LARP4: variants seen among roughly 807,000 people sequenced by gnomAD.
LARP4 encodes the protein La ribonucleoprotein 4.
A neutral mutation model predicts 92.9 loss-of-function variants in LARP4; 29 were observed. That is an observed-to-expected ratio of 0.31 (90% CI 0.23 to 0.43). The LOEUF (loss-of-function observed/expected upper bound fraction) is 0.43. Among genes scored for constraint, LARP4 ranks in the 20% least tolerant of loss-of-function variants. LARP4 has a pLI of 1.00. For missense variants in LARP4, 732 were observed against 860.0 expected, an observed-to-expected ratio of 0.85 and a Z score of 1.86; for synonymous variants, 279 against 284.1, an observed-to-expected ratio of 0.98 and a Z score of 0.18.
At chr12:50,443,814 T>C (rs1407203224) in intron 8 of LARP4, among the ~76,000 whole-genome samples, 1 of 152,042 alleles carries the variant, frequency 6.6e-6, no homozygotes, top group Non-Finnish European at 1.5e-5. Flanking sequence ...GGTTTTGCCA[T>C]GTTTGCCAAG....
chr12:50,408,364 A>G (rs1945233154), intron 1 of LARP4, among the ~76,000 whole-genome samples: 1 of 151,378 alleles, frequency 6.6e-6, no homozygotes, highest in Non-Finnish European at 1.5e-5. Context: ...ATGCTGGCTA[A>G]TTTTGTATTT....
At chr12:50,441,083 C>T (rs950172259) in intron 7 of LARP4, among the ~76,000 whole-genome samples, 9 of 151,980 alleles carry the variant, frequency 5.9e-5, no homozygotes, top group African/African-American at 2.2e-4. Flanking sequence ...TGGGGTTTCA[C>T]CATATTGGTC....
chr12:50,403,107 C>G (rs1000879051), intron 1 of LARP4, among the ~76,000 whole-genome samples: 1 of 152,148 alleles, frequency 6.6e-6, no homozygotes, highest in African/African-American at 2.4e-5. Flanking sequence ...TAAGGTCATT[C>G]AAGTGTAAAT....
At chr12:50,420,453 A>G (rs546313253) in intron 1 of LARP4, among the ~76,000 whole-genome samples, 31 of 152,370 alleles carry the variant, frequency 2.0e-4, no homozygotes, top group African/African-American at 6.7e-4. Flanking sequence ...ATGGCTGAGA[A>G]TTTTACAGAA....
intron 1 of LARP4, among the ~76,000 whole-genome samples, chr12:50,405,097 C>T (rs1026178368): frequency 4.7e-5 from 7 of 150,384 alleles, no homozygotes; most frequent in African/African-American, 1.5e-4. Context: ...ACGGGTTTCA[C>T]GATGTTGGCC....
rs777808645 is a variant in LARP4, at chr12:50,435,635, A to G, written c.535+11A>G. ...TTGAAGTGTTAAGATGTATGTAAAA[A>G]TACCTTTTAGCTTTTTTTTTAATTT... is the stretch of plus-strand genomic sequence containing the variant. On this transcript the variant is annotated intron_variant, in intron 5 of 15. Coordinates refer to ENST00000398473, the MANE Select transcript of LARP4 (RefSeq NM_052879.5). The G allele has an allele frequency of 4.5e-6, 7 of 1,552,290 alleles. No homozygotes were observed. Among genetic ancestry groups the G allele is most frequent in the South Asian group, 1.2e-5 (1 of 83,910 alleles).
At chr12:50,454,474 G>A in intron 10 of LARP4, 57 bp downstream of exon 10, 1 of 1,244,880 alleles carries the variant, frequency 8.0e-7, no homozygotes. Flanking sequence ...GGATCTTAAG[G>A]CATTAATAGC....
At chr12:50,467,209 G>T (rs982259103) in intron 13 of LARP4, 89 bp downstream of exon 13, 6 of 978,878 alleles carry the variant, frequency 6.1e-6, no homozygotes, top group Non-Finnish European at 8.9e-6. Context: ...CTTGCACTTA[G>T]TGTACATTTC....
At chr12:50,404,662 C>T (rs1244074418) in intron 1 of LARP4, among the ~76,000 whole-genome samples, 5 of 150,864 alleles carry the variant, frequency 3.3e-5, no homozygotes, top group South Asian at 2.1e-4. Context: ...CTGCAACCTC[C>T]GCCTCCTGGG....
intron 1 of LARP4, among the ~76,000 whole-genome samples, chr12:50,402,194 GT>G (rs143859352): frequency 0.013 from 1,978 of 151,094 alleles, 48 homozygotes; most frequent in African/African-American, 0.044. Context: ...TGATTTTACG[GT>G]TTTTTTTTCT....
chr12:50,444,255 A>AT (rs59821030), intron 8 of LARP4, among the ~76,000 whole-genome samples: 101 of 151,626 alleles, frequency 6.7e-4, no homozygotes, highest in African/African-American at 2.4e-3. Flanking sequence ...TGTCTTACTG[A>AT]TTTTTTTTAA....
In LARP4 at chr12:50,437,188, G is replaced by A. The variant is rs144826215; in HGVS notation, c.536-547G>A. Among the ~76,000 whole-genome samples, 89 of 152,246 alleles carry A rather than the reference G, an allele frequency of 5.8e-4. 2 individuals are homozygous for A. Among genetic ancestry groups the A allele is most frequent in the Admixed American group, 2.0e-3 (30 of 15,292 alleles). On this transcript the variant is annotated intron_variant, in intron 5 of 15. Coordinates refer to ENST00000398473, the MANE Select transcript of LARP4 (RefSeq NM_052879.5). The stretch of plus-strand genomic sequence containing the variant: ...TTAGTATAATATTTCCTCATAATCA[G>A]CATTTAAAAGATGGCTTTTGGGTCT...
At chr12:50,457,073 GT>G (rs1954401520) in intron 10 of LARP4, among the ~76,000 whole-genome samples, 1 of 151,742 alleles carries the variant, frequency 6.6e-6, no homozygotes, top group Non-Finnish European at 1.5e-5. Context: ...CTAGCTAATT[GT>G]TGTATTTTTA....
intron 1 of LARP4, among the ~76,000 whole-genome samples, chr12:50,427,267 T>C (rs1329584036): frequency 6.6e-6 from 1 of 152,170 alleles, no homozygotes; most frequent in African/African-American, 2.4e-5. Flanking sequence ...CTAAAAAATT[T>C]GCTGTAGATG....
At chr12:50,442,476 GT>G (rs990180723) in intron 8 of LARP4, among the ~76,000 whole-genome samples, 15 of 152,288 alleles carry the variant, frequency 9.8e-5, no homozygotes, top group Admixed American at 7.2e-4. Flanking sequence ...TGTGTTACCA[GT>G]TTTTCCCCCC....
In LARP4 at chr12:50,408,120, C is replaced by G. The variant is rs150618283; in HGVS notation, c.18+7092C>G. On this transcript the variant is annotated intron_variant, in intron 1 of 15. Coordinates refer to ENST00000398473, the MANE Select transcript of LARP4 (RefSeq NM_052879.5). ...GAACTGCATTCATAAATGCCAAACT[C>G]CAGGGATGAGTTGAGTTAAGTTCTA... 1.5e-4 allele frequency among the ~76,000 whole-genome samples: 22 copies of G among 150,790 alleles called. No individual in the cohort carries two copies. The East Asian group carries it at 3.5e-3, about 24-fold the overall frequency.
intron 4 of LARP4, among the ~76,000 whole-genome samples, chr12:50,434,685 G>T (rs1017754909): frequency 4.6e-5 from 7 of 151,646 alleles, no homozygotes; most frequent in Admixed American, 4.6e-4. Context: ...AGGATTACAG[G>T]CATGAGCCAC....
At chr12:50,432,101 A>C (rs897356193) in intron 4 of LARP4, among the ~76,000 whole-genome samples, 5 of 151,368 alleles carry the variant, frequency 3.3e-5, no homozygotes, top group African/African-American at 1.2e-4. Flanking sequence ...GCAGCACTGC[A>C]CTCCAGCCTG....
At chr12:50,424,788 A>C (rs1948457933) in intron 1 of LARP4, among the ~76,000 whole-genome samples, 1 of 152,196 alleles carries the variant, frequency 6.6e-6, no homozygotes, top group African/African-American at 2.4e-5. Flanking sequence ...TTCATATTAG[A>C]GCTGTTTTTG....
Sources: gnomAD v4.1 joint callset for allele counts (sites outside exome capture counted in the v4.1 genomes callset) on GRCh38, gnomAD v4.1.1 for gene constraint, MANE v1.5 for transcripts, NCBI Gene and HGNC (gene_info 2026-07-23, HGNC 2026-07-21) for gene names.